The following SAMD9L variants were observed in gnomAD, a reference collection of about 807,000 sequenced individuals.
The protein encoded by SAMD9L is sterile alpha motif domain-containing protein 9-like.
Under a neutral mutation model 90.7 loss-of-function variants are expected in SAMD9L, and 68 were observed. The ratio of observed to expected loss-of-function variants is 0.75; its 90% CI spans 0.62 to 0.92. The LOEUF (loss-of-function observed/expected upper bound fraction) is 0.92, where lower values mean the gene tolerates loss of function less well. SAMD9L is among the 40% of genes least tolerant of loss of function. The probability of loss-of-function intolerance (pLI) is 0.00; values close to 1 mark genes in which losing one functional copy is unlikely to be tolerated. For synonymous variants in SAMD9L, 640 were observed against 630.1 expected (o/e 1.02, Z -0.23); for missense variants, 1,604 against 1,824.3 (o/e 0.88, Z 2.20).
At chr7:93,145,255 T>C (rs1792846305) in intron 3 of SAMD9L, 130 bp downstream of exon 3, 1 of 152,270 alleles carries the variant, frequency 6.6e-6, no homozygotes, top group African/African-American at 2.4e-5. Context: ...AATGGTTTCA[T>C]AAGAAATAGC....
At position 93,134,423 on chromosome 7, in the gene SAMD9L, A is replaced by G. The variant is rs199714577; in HGVS notation, c.1549T>C (p.Trp517Arg). 2.6e-4 allele frequency: 426 copies of G among 1,613,804 alleles called. No homozygotes were observed. Among genetic ancestry groups the G allele is most frequent in the Non-Finnish European group, 3.5e-4 (409 of 1,179,882 alleles). Residue 517 changes from tryptophan (W) to arginine (R), a missense_variant, in exon 5 of 5, where the codon TGG becomes CGG. This residue lies in a region of SAMD9L where 606 missense variants were observed against 717.6 expected (regional missense o/e 0.84). Coordinates refer to ENST00000318238, the MANE Select transcript of SAMD9L (RefSeq NM_152703.5). ...ACTTCTGAAGCTCTTTCTCTCTGCC[A>G]TAAATGTGGTTCTAGAGGTTTATAT... ...ETYKPLEPHL[W>R]QRERASEVRK...
chr7:93,144,419 T>C (rs1792812767), intron 4 of SAMD9L, among the ~76,000 whole-genome samples: 1 of 152,236 alleles, frequency 6.6e-6, no homozygotes, highest in Admixed American at 6.5e-5. Flanking sequence ...GTATAACAAC[T>C]ATATAATATT....
intron 3 of SAMD9L, 143 bp from the exon 4 acceptor site, chr7:93,144,976 T>C (rs1294365818): frequency 1.3e-5 from 2 of 152,262 alleles, no homozygotes; most frequent in African/African-American, 2.4e-5. Flanking sequence ...GATTTTATTC[T>C]TTAATTAAAT....
chr7:93,143,799 T>A lies in SAMD9L; in HGVS notation c.-21+933A>T, dbSNP rs562033715. 2.4e-4 allele frequency among the ~76,000 whole-genome samples: 37 copies of A among 152,354 alleles called. No homozygotes were observed. The South Asian group carries it at 3.5e-3, about 14-fold the overall frequency. On this transcript the variant is annotated intron_variant, in intron 4 of 4. Transcript: ENST00000318238. ...AATTATAAGCATCTTATATGATCTA[T>A]AATCCATAGGTAGTTGGAACTGTTA...
rs187286856 is a variant in SAMD9L at position 93,135,776 on chromosome 7, G to A, written c.196C>T (p.Leu66Phe). ...VEMGLPWGPA[L>F]LIKRSYNKLN... ...TTGTTGTATGAACGTTTTATCAAAA[G>A]TGCTGGACCCCATGGTAGCCCCATT... The change falls in exon 5 of 5, where the codon CTT becomes TTT. Residue 66 changes from leucine (L) to phenylalanine (F), a missense_variant. Transcript: ENST00000318238. The A allele has an allele frequency of 3.7e-6, 6 of 1,614,034 alleles. No individual in the cohort carries two copies. The highest frequency in any genetic ancestry group is 5.1e-6 in the Non-Finnish European group (6 of 1,179,960).
At position 93,133,398 on chromosome 7, in the gene SAMD9L, A is replaced by C. The variant is rs752156037; in HGVS notation, c.2574T>G (p.Asn858Lys). 6.2e-7 allele frequency: 1 copy of C among 1,613,696 alleles called. No individual in the cohort carries two copies. The highest frequency in any genetic ancestry group is 8.5e-7 in the Non-Finnish European group (1 of 1,179,774). The change falls in exon 5 of 5, where the codon AAT becomes AAG. Residue 858 changes from asparagine to lysine, a missense_variant. This residue lies in a region of SAMD9L where 606 missense variants were observed against 717.6 expected (regional missense o/e 0.84). Transcript: ENST00000318238. ...SAKLADSIAL[N>K]YQLSSKEQRA... is the part of the protein sequence containing the mutation. The stretch of plus-strand genomic sequence containing the variant: ...TTTGTTCCTTGGAAGAAAGTTGGTA[A>C]TTTAGTGCAATACTGTCTGCCAATT...
At chr7:93,144,384 C>T (rs1211819625) in intron 4 of SAMD9L, among the ~76,000 whole-genome samples, 1 of 152,092 alleles carries the variant, frequency 6.6e-6, no homozygotes, top group Non-Finnish European at 1.5e-5. Context: ...TTTTTATTGT[C>T]ACTATTCCCT....
chr7:93,133,116 A>G lies in SAMD9L; in HGVS notation c.2856T>C (p.Ser952=), dbSNP rs757476135. 6.2e-7 allele frequency: 1 copy of G among 1,613,150 alleles called. No individual in the cohort carries two copies. The highest frequency in any genetic ancestry group is 1.1e-5 in the South Asian group (1 of 91,060). Residue 952 remains serine, a synonymous_variant, in exon 5 of 5, where the codon AGT becomes AGC. Coordinates refer to ENST00000318238, the MANE Select transcript of SAMD9L (RefSeq NM_152703.5). ...CEIFLGIIYT[S]TPWEPESLED... ...CTAAGCTTTCAGGTTCCCAGGGTGTACTAGTGTATATGATTCCCAAAAATA... is the reference window on the plus strand; with the variant it reads ...CTAAGCTTTCAGGTTCCCAGGGTGTGCTAGTGTATATGATTCCCAAAAATA...
chr7:93,141,820 G>A (rs983228524), intron 4 of SAMD9L, among the ~76,000 whole-genome samples: 1 of 152,154 alleles, frequency 6.6e-6, no homozygotes, highest in Non-Finnish European at 1.5e-5. Flanking sequence ...GTGTGATCAT[G>A]TCACTGACTC....
intron 4 of SAMD9L, among the ~76,000 whole-genome samples, chr7:93,139,222 C>A (rs1164195678): frequency 6.6e-6 from 1 of 152,170 alleles, no homozygotes. Context: ...TGGCCTCTCA[C>A]CCGATCGACT....
rs2116500523 is a variant in SAMD9L at position 93,135,017 on chromosome 7, T to C, written c.955A>G (p.Lys319Glu). ...TIPKHSICND[K>E]YFYIQMQICK... ...ATTTGCATCTGAATGTAGAAATACTTATCATTACATATAGAGTGTTTTGGA... is the reference window on the plus strand; with the variant it reads ...ATTTGCATCTGAATGTAGAAATACTCATCATTACATATAGAGTGTTTTGGA... The change falls in exon 5 of 5, where the codon AAG becomes GAG. Residue 319 changes from lysine (K) to glutamate (E), a missense_variant. By Grantham distance (56) the Lys-to-Glu change is moderately conservative. Around this residue, in one of 7 missense-constraint regions of SAMD9L, gnomAD observed 374 missense variants for 363.6 expected, o/e 1.03. Coordinates refer to ENST00000318238, the MANE Select transcript of SAMD9L (RefSeq NM_152703.5). The C allele has an allele frequency of 6.2e-7, 1 of 1,612,312 alleles. No homozygotes were observed. Among genetic ancestry groups the C allele is most frequent in the Non-Finnish European group, 8.5e-7 (1 of 1,178,422 alleles).
At chr7:93,141,295 A>G (rs1352630094) in intron 4 of SAMD9L, among the ~76,000 whole-genome samples, 4 of 152,134 alleles carry the variant, frequency 2.6e-5, no homozygotes, top group Admixed American at 2.6e-4. Context: ...CTAGAGTTTT[A>G]TCTAGAGTTT....
rs1449583407 is a variant in SAMD9L, at chr7:93,131,792, T to G, written c.4180A>C (p.Lys1394Gln). 2.5e-6 allele frequency: 4 copies of G among 1,613,580 alleles called. No individual in the cohort carries two copies. Among genetic ancestry groups the G allele is most frequent in the Non-Finnish European group, 3.4e-6 (4 of 1,179,822 alleles). ...ILANIILSCLKPNSKLIQPLT... is the reference protein window; with the variant it reads ...ILANIILSCLQPNSKLIQPLT... ...GGTTGAATTAACTTGGAGTTGGGCTTTAGACAACTCAGAATAATGTTGGCC... is the reference window on the plus strand; with the variant it reads ...GGTTGAATTAACTTGGAGTTGGGCTGTAGACAACTCAGAATAATGTTGGCC... The change falls in exon 5 of 5, where the codon AAG becomes CAG. Residue 1394 changes from lysine to glutamine, a missense_variant. Around this residue, in one of 7 missense-constraint regions of SAMD9L, gnomAD observed 282 missense variants for 329.6 expected, o/e 0.86. Transcript: ENST00000318238.
chr7:93,139,556 A>T (rs1792598803), intron 4 of SAMD9L, among the ~76,000 whole-genome samples: 1 of 152,192 alleles, frequency 6.6e-6, no homozygotes, highest in African/African-American at 2.4e-5. Flanking sequence ...AAGAATCACC[A>T]AAGATTGCCA....
chr7:93,135,164 T>C lies in SAMD9L; in HGVS notation c.808A>G (p.Lys270Glu). The C allele has an allele frequency of 6.2e-7, 1 of 1,613,544 alleles. No individual in the cohort carries two copies. The highest frequency in any genetic ancestry group is 8.5e-7 in the Non-Finnish European group (1 of 1,179,980). ...TTGATCTCACTTTCTTCAAAATACT[T>C]TTTGATCATTACATTGAAGTGGTCA... ...FIDHFNVMIK[K>E]YFEESEINEA... The change falls in exon 5 of 5, where the codon AAG becomes GAG. Residue 270 changes from lysine (K) to glutamate (E), a missense_variant. Lys to Glu is a moderately conservative substitution (Grantham distance 56). Around this residue, in one of 7 missense-constraint regions of SAMD9L, gnomAD observed 374 missense variants for 363.6 expected, o/e 1.03. Coordinates refer to ENST00000318238, the MANE Select transcript of SAMD9L (RefSeq NM_152703.5).
chr7:93,135,362 T>C lies in SAMD9L; in HGVS notation c.610A>G (p.Asn204Asp). 1 of 1,614,164 alleles carries C rather than the reference T, an allele frequency of 6.2e-7. No individual in the cohort carries two copies. Residue 204 changes from asparagine (N) to aspartate (D), a missense_variant, in exon 5 of 5, where the codon AAC becomes GAC. Coordinates refer to ENST00000318238, the MANE Select transcript of SAMD9L (RefSeq NM_152703.5). Reference protein sequence around the residue: ...DPIHEFKALTNTETATEVDIK... With the variant: ...DPIHEFKALTDTETATEVDIK... ...TCCACTTCCGTGGCTGTTTCTGTGT[T>C]TGTGAGAGCTTTGAACTCATGTATT...
chr7:93,136,029 A>T, intron 4 of SAMD9L, 38 bp from the exon 5 acceptor site: 2 of 1,343,444 alleles, frequency 1.5e-6, no homozygotes, highest in South Asian at 3.2e-5. Flanking sequence ...TTAGAATTAT[A>T]CTTTATTTTT....
rs775603614 is a variant in SAMD9L at position 93,132,445 on chromosome 7, T to G, written c.3527A>C (p.Glu1176Ala). 6.2e-7 allele frequency: 1 copy of G among 1,613,614 alleles called. No homozygotes were observed. Among genetic ancestry groups the G allele is most frequent in the Non-Finnish European group, 8.5e-7 (1 of 1,179,790 alleles). ...SQRQTDSKNY[E>A]TENWSPQKSQ... ...CTTCTGTGGTGACCAGTTCTCGGTTTCATAGTTTTTACTATCAGTTTGCCT... is the reference window on the plus strand; with the variant it reads ...CTTCTGTGGTGACCAGTTCTCGGTTGCATAGTTTTTACTATCAGTTTGCCT... The change falls in exon 5 of 5, where the codon GAA becomes GCA. Residue 1176 changes from glutamate (E) to alanine (A), a missense_variant. Transcript: ENST00000318238.
chr7:93,142,166 C>T (rs1008298353), intron 4 of SAMD9L, among the ~76,000 whole-genome samples: 1 of 152,122 alleles, frequency 6.6e-6, no homozygotes, highest in Non-Finnish European at 1.5e-5. Context: ...TCAGTCCTTC[C>T]TCCAGCACTT....
Sources: allele counts gnomAD v4.1 joint callset (sites outside exome capture counted in the v4.1 genomes callset), GRCh38; gene constraint gnomAD v4.1.1; regional missense constraint gnomAD v4.1.1; transcripts MANE v1.5; gene names NCBI Gene and HGNC (gene_info 2026-07-23, HGNC 2026-07-21).